USP35: variants seen among roughly 807,000 people sequenced by gnomAD.
The protein encoded by USP35 is ubiquitin specific peptidase 35, also known as ubiquitin carboxyl-terminal hydrolase 35.
Under a neutral mutation model 83.8 loss-of-function variants are expected in USP35, and 69 were observed. That is an observed-to-expected ratio of 0.82 (90% CI 0.68 to 1.01). USP35 has a LOEUF of 1.01. Ranked by LOEUF, USP35 falls within the 50% of genes least tolerant of loss-of-function variation. The pLI is 0.00. For synonymous variants in USP35, 714 were observed against 589.5 expected, an observed-to-expected ratio of 1.21 and a Z score of -3.06; for missense variants, 1,503 against 1,362.5, an observed-to-expected ratio of 1.10 and a Z score of -1.62.
Position 78,196,804 on chromosome 11 carries a change from G to C in USP35, c.559G>C (p.Glu187Gln), listed in dbSNP as rs1036658753. ...AGCCGAAGGCGAGGAGGGCGCCGTGGAGTTCCTAGAGCAGGCCCAGCAGGT... is the reference window on the plus strand; with the variant it reads ...AGCCGAAGGCGAGGAGGGCGCCGTGCAGTTCCTAGAGCAGGCCCAGCAGGT... ...CPAEGEEGAV[E>Q]FLEQAQQVSG... The change falls in exon 2 of 11, where the codon GAG becomes CAG. Residue 187 changes from glutamate to glutamine, a missense_variant. Coordinates refer to ENST00000529308, the MANE Select transcript of USP35 (RefSeq NM_020798.4). The surrounding 1 kb of genome is among the most constrained non-coding windows in gnomAD (Gnocchi z 4.8). 3.3e-6 allele frequency: 5 copies of C among 1,534,644 alleles called. No homozygotes were observed. The highest frequency in any genetic ancestry group is 3.5e-6 in the Non-Finnish European group (4 of 1,145,974).
chr11:78,210,339 C>T lies in USP35; in HGVS notation c.2484C>T (p.Ser828=). Residue 828 remains serine, a synonymous_variant, in exon 10 of 11, where the codon TCC becomes TCT. Coordinates refer to ENST00000529308, the MANE Select transcript of USP35 (RefSeq NM_020798.4). ...GCCGCAAGATCCTGGATGACGTCTC[C>T]ATCCCCCTGCTGCTCCGCCTGCCAC... ...MRRRKILDDV[S]IPLLLRLPLA... The T allele has an allele frequency of 3.7e-6, 6 of 1,612,700 alleles. No homozygotes were observed. Among genetic ancestry groups the T allele is most frequent in the Non-Finnish European group, 4.2e-6 (5 of 1,179,846 alleles).
rs370986632 is a variant in USP35 at position 78,200,775 on chromosome 11, G to A, written c.1164G>A (p.Pro388=). 39 of 1,613,716 alleles carry A rather than the reference G, an allele frequency of 2.4e-5. No individual in the cohort carries two copies. The highest frequency in any genetic ancestry group is 3.0e-5 in the Non-Finnish European group (35 of 1,179,816). Residue 388 remains proline (P), a synonymous_variant, in exon 6 of 11, where the codon CCG becomes CCA. Coordinates refer to ENST00000529308, the MANE Select transcript of USP35 (RefSeq NM_020798.4). ...HCMVFRFPGF[P]DLYEPVMEAI... is the part of the protein sequence containing the mutation. ...TGGTGTTCCGGTTCCCGGGCTTCCC[G>A]GATCTGTATGAGCCTGTCATGGAGG...
At position 78,213,891 on chromosome 11, in the gene USP35, AC is replaced by A. The variant is rs1430677053; in HGVS notation, c.*80del. 6 of 1,490,428 alleles carry A rather than the reference AC, an allele frequency of 4.0e-6. No individual in the cohort carries two copies. The highest frequency in any genetic ancestry group is 5.3e-5 in the East Asian group (2 of 37,648). The allele number at this position is 1,490,428 out of a possible 1,614,324, so 92.3% of individuals were successfully genotyped here. A position where few individuals can be genotyped will look rare whatever the true frequency, so the allele number is the denominator to read the frequency against. ...GAGGGAAGCTGTGGAGGCAGGCCCT[AC>A]CAAGAGGAAGGATGGTACAGCTCAT... is the stretch of plus-strand genomic sequence containing the variant. On this transcript the variant is annotated 3_prime_UTR_variant, in exon 11 of 11. Coordinates refer to ENST00000529308, the MANE Select transcript of USP35 (RefSeq NM_020798.4).
At position 78,210,074 on chromosome 11, in the gene USP35, C is replaced by T. The variant is rs1169381180; in HGVS notation, c.2219C>T (p.Thr740Ile). The change falls in exon 10 of 11, where the codon ACC becomes ATC. Residue 740 changes from threonine to isoleucine, a missense_variant. Coordinates refer to ENST00000529308, the MANE Select transcript of USP35 (RefSeq NM_020798.4). ...GAAGAAGACAGCCTGGGAGCGGGGA[C>T]CCACCCGGATGCTGCCATCCCCTCC... Reference protein sequence around the residue: ...EKEEDSLGAGTHPDAAIPSGE... With the variant: ...EKEEDSLGAGIHPDAAIPSGE... 4 of 1,613,808 alleles carry T rather than the reference C, an allele frequency of 2.5e-6. No homozygotes were observed. The African/African-American group carries it at 4.0e-5, about 16-fold the overall frequency.
At chr11:78,198,766 C>T (rs1376386673) in intron 3 of USP35, 6 of 911,792 alleles carry the variant, frequency 6.6e-6, no homozygotes, top group Admixed American at 6.2e-5. Context: ...CTTGCCTGTG[C>T]GACCTTGGAC....
Position 78,210,542 on chromosome 11 carries a change from C to T in USP35, c.2687C>T (p.Thr896Ile). The stretch of plus-strand genomic sequence containing the variant: ...AACCAGTGGTACCTGTTCAATGACA[C>T]TCGGGTGTCCTTCTCTTCCTTCGAA... ...PENQWYLFND[T>I]RVSFSSFESV... Residue 896 changes from threonine (T) to isoleucine (I), a missense_variant, in exon 10 of 11, where the codon ACT becomes ATT. Coordinates refer to ENST00000529308, the MANE Select transcript of USP35 (RefSeq NM_020798.4). 6.2e-7 allele frequency: 1 copy of T among 1,613,142 alleles called. No homozygotes were observed. The highest frequency in any genetic ancestry group is 1.1e-5 in the South Asian group (1 of 91,054).
chr11:78,214,538 G>C lies in USP35; in HGVS notation c.*725G>C, dbSNP rs910126099. 1 of 150,946 alleles carries C rather than the reference G, an allele frequency of 6.6e-6. No homozygotes were observed. Among genetic ancestry groups the C allele is most frequent in the Admixed American group, 6.6e-5 (1 of 15,224 alleles). The allele number at this position is 150,946 out of a possible 1,614,324, so 9.4% of individuals were successfully genotyped here. ...GTGTTCATGTTCCTTGTGAAGTGTG[G>C]GCTCTTAGGAAGCCTGTGGGCTCCT... On this transcript the variant is annotated 3_prime_UTR_variant, in exon 11 of 11. Transcript: ENST00000529308.
At chr11:78,195,910 T>C (rs950450649) in intron 1 of USP35, among the ~76,000 whole-genome samples, 1 of 152,162 alleles carries the variant, frequency 6.6e-6, no homozygotes, top group Admixed American at 6.5e-5. Context: ...TTTGTGTTTT[T>C]TGTAGAGACG....
rs1348877727 is a variant in USP35, at chr11:78,196,257, C to CT, written c.14dup (p.Leu5PhefsTer32). 3 of 1,593,426 alleles carry CT rather than the reference C, an allele frequency of 1.9e-6. No homozygotes were observed. In the Admixed American group the frequency reaches 5.0e-5, roughly 27 times the overall value. ...GCAGCGCGGGCGCCATGGACAAGAT[C>CT]TTGGAGGCGGTGGTGACGTCGTCAT... On this transcript the variant is annotated frameshift_variant, in exon 2 of 11. Transcript: ENST00000529308. LOFTEE classifies it high-confidence loss of function. This position sits in a 1 kb window ranked among gnomAD's most constrained non-coding sequence, Gnocchi z 4.8.
the USP35 span, chr11:78,225,148 C>T: frequency 1.3e-5 from 21 of 1,613,472 alleles, no homozygotes; most frequent in Admixed American, 3.3e-5. Context: ...TTCAGCAGAC[C>T]GGCCTGCACT....
In USP35 at chr11:78,210,472, C is replaced by A; in HGVS notation, c.2617C>A (p.Arg873Ser). 1 of 1,614,226 alleles carries A rather than the reference C, an allele frequency of 6.2e-7. No individual in the cohort carries two copies. The highest frequency in any genetic ancestry group is 8.5e-7 in the Non-Finnish European group (1 of 1,180,030). Residue 873 changes from arginine (R) to serine (S), a missense_variant, in exon 10 of 11, where the codon CGC (arginine) becomes AGC (serine). By Grantham distance (110) the Arg-to-Ser change is moderately radical. Coordinates refer to ENST00000529308, the MANE Select transcript of USP35 (RefSeq NM_020798.4). ...YYCYAREGAA[R>S]PAASLGTADR... ...CTGCTATGCCCGTGAGGGCGCTGCC[C>A]GCCCTGCCGCTTCTCTGGGAACTGC...
chr11:78,202,323 A>G (rs1349706520), intron 6 of USP35, among the ~76,000 whole-genome samples: 2 of 152,244 alleles, frequency 1.3e-5, no homozygotes, highest in Admixed American at 1.3e-4. Flanking sequence ...ACATGGTTTT[A>G]AATAGACATC....
At position 78,210,245 on chromosome 11, in the gene USP35, T is replaced by C; in HGVS notation, c.2390T>C (p.Leu797Pro). 3 of 1,614,094 alleles carry C rather than the reference T, an allele frequency of 1.9e-6. No homozygotes were observed. Among genetic ancestry groups the C allele is most frequent in the East Asian group, 2.2e-5 (1 of 44,868 alleles). ...SLQDAEKVVE[L>P]SQGPCYLILT... ...CAGGATGCCGAGAAGGTGGTGGAGC[T>C]GAGCCAAGGGCCGTGCTACCTCATC... The change falls in exon 10 of 11, where the codon CTG (leucine) becomes CCG (proline). Residue 797 changes from leucine to proline, a missense_variant. Physicochemically the swap from Leu to Pro is moderately conservative, Grantham distance 98 (BLOSUM62 -3). Transcript: ENST00000529308.
the USP35 span, among the ~76,000 whole-genome samples, chr11:78,230,669 T>C: frequency 6.6e-6 from 1 of 152,244 alleles, no homozygotes; most frequent in East Asian, 1.9e-4. Context: ...GTGACACATG[T>C]TGAGGGAGAC....
chr11:78,196,431 C>T lies in USP35; in HGVS notation c.186C>T (p.Cys62=), dbSNP rs907685848. ...AGGAGCTGCCGCGCCGCGTGGGCTGCCAGCTGCTGCACGTGGCCGGCCGCC... is the reference window on the plus strand; with the variant it reads ...AGGAGCTGCCGCGCCGCGTGGGCTGTCAGCTGCTGCACGTGGCCGGCCGCC... ...GAEELPRRVG[C]QLLHVAGRHH... Residue 62 remains cysteine (C), a synonymous_variant, in exon 2 of 11, where the codon TGC becomes TGT. Transcript: ENST00000529308. The surrounding 1 kb of genome is among the most constrained non-coding windows in gnomAD (Gnocchi z 4.8). 4.7e-6 allele frequency: 6 copies of T among 1,285,444 alleles called. No individual in the cohort carries two copies. In the African/African-American group the frequency reaches 8.0e-5, roughly 17 times the overall value. 79.6% of individuals were successfully genotyped at this position (1,285,444 alleles called of 1,614,324 possible). A position where few individuals can be genotyped will look rare whatever the true frequency, so the allele number is the denominator to read the frequency against.
intron 9 of USP35, 90 bp downstream of exon 9, chr11:78,209,053 G>A (rs2134411565): frequency 7.5e-7 from 1 of 1,326,550 alleles, no homozygotes; most frequent in East Asian, 2.4e-5. Flanking sequence ...CAGCGTCCAG[G>A]GAATAAGTGT....
chr11:78,228,511 T>G, the USP35 span, among the ~76,000 whole-genome samples: 1 of 152,184 alleles, frequency 6.6e-6, no homozygotes, highest in Non-Finnish European at 1.5e-5. Flanking sequence ...CTGGACCTTT[T>G]GCCTTATAGA....
At chr11:78,222,142 A>AGG in the USP35 span, 1 of 1,613,910 alleles carries the variant, frequency 6.2e-7, no homozygotes, top group Non-Finnish European at 8.5e-7. Context: ...GGTGACTTGA[A>AGG]GGGGAGTTCA....
chr11:78,200,181 G>A lies in USP35; in HGVS notation c.985G>A (p.Val329Met), dbSNP rs772505617. Reference protein sequence around the residue: ...YPIVRGAALSVLKYMLLTFQH... With the variant: ...YPIVRGAALSMLKYMLLTFQH... ...CATCGTCCGGGGAGCTGCCTTGTCT[G>A]TGCTCAAGTACATGCTCCTGACCTT... The change falls in exon 5 of 11, where the codon GTG becomes ATG. Residue 329 changes from valine to methionine, a missense_variant. Transcript: ENST00000529308. The A allele has an allele frequency of 6.2e-7, 1 of 1,614,190 alleles. No homozygotes were observed. Among genetic ancestry groups the A allele is most frequent in the East Asian group, 2.2e-5 (1 of 44,880 alleles).
Sources: gnomAD v4.1 joint callset for allele counts (sites outside exome capture counted in the v4.1 genomes callset) on GRCh38, gnomAD v4.1.1 for gene constraint, Gnocchi (gnomAD v3.1) non-coding constraint, MANE v1.5 for transcripts, NCBI Gene and HGNC (gene_info 2026-07-23, HGNC 2026-07-21) for gene names.